ARHGAP8: variants seen among roughly 807,000 people sequenced by gnomAD.
The protein encoded by ARHGAP8 is Rho GTPase activating protein 8, also known as rho GTPase-activating protein 8.
Under a neutral mutation model 46.1 loss-of-function variants are expected in ARHGAP8, and 62 were observed. The observed-to-expected ratio is 1.34, with a 90% CI of 1.10 to 1.66. The LOEUF (loss-of-function observed/expected upper bound fraction) is 1.66. Ranked by LOEUF, ARHGAP8 falls within the 40% of genes most tolerant of loss-of-function variation. ARHGAP8 has a pLI of 0.00. For synonymous variants in ARHGAP8, 375 were observed against 243.1 expected (o/e 1.54, Z -5.05); for missense variants, 923 against 568.4 (o/e 1.62, Z -6.34).
At chr22:44,793,619 AATG>A (rs1216295714) in intron 2 of ARHGAP8, among the ~76,000 whole-genome samples, 1 of 152,136 alleles carries the variant, frequency 6.6e-6, no homozygotes, top group Non-Finnish European at 1.5e-5. Context: ...GCTGGGAGAG[AATG>A]ATGACTCGCC....
At chr22:44,822,335 TA>T in intron 5 of ARHGAP8, 35 bp from the exon 6 acceptor site, 1 of 1,565,010 alleles carries the variant, frequency 6.4e-7, no homozygotes, top group East Asian at 2.4e-5. Context: ...TGCTGGCGCC[TA>T]ATCGTTCTTT....
Position 44,821,019 on chromosome 22 carries a change from C to T in ARHGAP8, c.387-1352C>T, listed in dbSNP as rs78585553. On this transcript the variant is annotated intron_variant, in intron 5 of 11. Transcript: ENST00000356099. Reference sequence around the variant, plus strand: ...CACAAAATAAACGACATTGAAAATACATGAATACTTATTTCAAGACTTTCA... The same window carrying T: ...CACAAAATAAACGACATTGAAAATATATGAATACTTATTTCAAGACTTTCA... Among the ~76,000 whole-genome samples, 1,210 of 152,326 alleles carry T rather than the reference C, an allele frequency of 7.9e-3. 10 individuals carry two copies. The highest frequency in any genetic ancestry group is 0.013 in the Non-Finnish European group (879 of 68,018).
intron 5 of ARHGAP8, among the ~76,000 whole-genome samples, chr22:44,820,767 C>T (rs1930069392): frequency 6.6e-6 from 1 of 152,288 alleles, no homozygotes; most frequent in Admixed American, 6.5e-5. Flanking sequence ...CCTCCCTCAG[C>T]CCCCGGGTCC....
rs111955465 is a variant in ARHGAP8, at chr22:44,812,651, T to G, written c.300-2021T>G. On this transcript the variant is annotated intron_variant, in intron 4 of 11. Coordinates refer to ENST00000356099, the MANE Select transcript of ARHGAP8 (RefSeq NM_181335.3). ...ATTACAGGTGTGAGCCACCGCGCCC[T>G]GCCTCAGAGCCTTTTTAAAATTAGT... Among the ~76,000 whole-genome samples the G allele has an allele frequency of 7.2e-3, 1,094 of 152,078 alleles. 7 individuals carry two copies. The highest frequency in any genetic ancestry group is 0.024 in the African/African-American group (983 of 41,478).
intron 7 of ARHGAP8, among the ~76,000 whole-genome samples, chr22:44,842,762 G>T (rs1399509257): frequency 6.6e-6 from 1 of 151,982 alleles, no homozygotes; most frequent in Non-Finnish European, 1.5e-5. Context: ...CAGGAGGTTG[G>T]CAGGGCCTGG....
chr22:44,846,052 T>A (rs997239010), intron 8 of ARHGAP8, among the ~76,000 whole-genome samples: 3 of 152,066 alleles, frequency 2.0e-5, no homozygotes, highest in Non-Finnish European at 4.4e-5. Context: ...CTGGCTCCTC[T>A]CCAGCCTCCA....
chr22:44,851,381 G>A (rs1446324058), intron 10 of ARHGAP8, among the ~76,000 whole-genome samples: 4 of 150,742 alleles, frequency 2.7e-5, no homozygotes, highest in African/African-American at 9.9e-5. Context: ...ACATGACACA[G>A]GAGCCTTTTA....
chr22:44,817,233 G>T (rs12169108), intron 5 of ARHGAP8, among the ~76,000 whole-genome samples: 1 of 152,254 alleles, frequency 6.6e-6, no homozygotes, highest in South Asian at 2.1e-4. Flanking sequence ...GGACTGAATC[G>T]TGTGGTCCTG....
intron 1 of ARHGAP8, among the ~76,000 whole-genome samples, chr22:44,782,355 G>A (rs1452348287): frequency 6.6e-6 from 1 of 152,050 alleles, no homozygotes; most frequent in African/African-American, 2.4e-5. Flanking sequence ...AAAAATAAAT[G>A]AAAAGAATAA....
intron 11 of ARHGAP8, 79 bp from the exon 12 acceptor site, chr22:44,862,190 GCCTCTC>G: frequency 2.0e-6 from 3 of 1,489,080 alleles, no homozygotes; most frequent in Non-Finnish European, 2.7e-6. Flanking sequence ...CTACACCTAC[GCCTCTC>G]CCTAAGTTCG....
intron 7 of ARHGAP8, among the ~76,000 whole-genome samples, chr22:44,831,910 A>G (rs1397930360): frequency 2.0e-5 from 3 of 151,602 alleles, no homozygotes; most frequent in African/African-American, 7.3e-5. Flanking sequence ...GAGTCCTCCA[A>G]CTTTTTTTTC....
At chr22:44,764,222 C>A (rs949096459) in intron 1 of ARHGAP8, among the ~76,000 whole-genome samples, 1 of 152,130 alleles carries the variant, frequency 6.6e-6, no homozygotes, top group Non-Finnish European at 1.5e-5. Flanking sequence ...ATGATGCAAG[C>A]GTGTTCTGTT....
intron 7 of ARHGAP8, among the ~76,000 whole-genome samples, chr22:44,843,309 G>T (rs1931770765): frequency 6.6e-6 from 1 of 152,146 alleles, no homozygotes; most frequent in South Asian, 2.1e-4. Context: ...TACACTATAA[G>T]AAATGTTAAG....
At position 44,822,359 on chromosome 22, in the gene ARHGAP8, C is replaced by A. The variant is rs1362899085; in HGVS notation, c.387-12C>A. On this transcript the variant is annotated splice_polypyrimidine_tract_variant and intron_variant, in intron 5 of 11. Transcript: ENST00000356099. ...CTAATCGTTCTTTATTCTCTTGCTT[C>A]TGCTTTCTTAGTCACAAGTTTGGGA... 2.5e-6 allele frequency: 4 copies of A among 1,578,138 alleles called. No individual in the cohort carries two copies. In the Admixed American group the frequency reaches 7.7e-5, roughly 30 times the overall value.
At chr22:44,853,915 T>G (rs1294581026) in intron 10 of ARHGAP8, among the ~76,000 whole-genome samples, 1 of 150,908 alleles carries the variant, frequency 6.6e-6, no homozygotes, top group Non-Finnish European at 1.5e-5. Flanking sequence ...TAATCCCAGC[T>G]ACTCGGGAGG....
intron 1 of ARHGAP8, among the ~76,000 whole-genome samples, chr22:44,765,652 CAG>C (rs1190872580): frequency 2.0e-5 from 3 of 152,154 alleles, no homozygotes; most frequent in Non-Finnish European, 4.4e-5. Flanking sequence ...AGTGGCATGA[CAG>C]GGTGGCAGGG....
intron 1 of ARHGAP8, among the ~76,000 whole-genome samples, chr22:44,771,648 G>A (rs375348574): frequency 1.7e-3 from 263 of 150,534 alleles, no homozygotes; most frequent in African/African-American, 6.1e-3. Flanking sequence ...TCTGCCTTCC[G>A]GGTTCAAGCG....
At position 44,830,021 on chromosome 22, in the gene ARHGAP8, T is replaced by C. The variant is rs1362878968; in HGVS notation, c.596+4428T>C. On this transcript the variant is annotated intron_variant, in intron 7 of 11. Coordinates refer to ENST00000356099, the MANE Select transcript of ARHGAP8 (RefSeq NM_181335.3). ...CTGGCATTTTCTTTTTTTTCCTCTCTCTCTTTTTTTTTTTTTCCCTGAGAT... is the reference window on the plus strand; with the variant it reads ...CTGGCATTTTCTTTTTTTTCCTCTCCCTCTTTTTTTTTTTTTCCCTGAGAT... Among the ~76,000 whole-genome samples the C allele has an allele frequency of 6.0e-5, 7 of 116,592 alleles. No homozygotes were observed. The East Asian group carries it at 2.0e-3, about 34-fold the overall frequency. 76.5% of individuals were successfully genotyped at this position (116,592 alleles called of 152,430 possible).
chr22:44,778,979 C>G (rs1926623011), intron 1 of ARHGAP8, among the ~76,000 whole-genome samples: 1 of 151,848 alleles, frequency 6.6e-6, no homozygotes, highest in Non-Finnish European at 1.5e-5. Context: ...CAGCAGCTAC[C>G]ATCAGTTCAA....
Sources: gnomAD v4.1 joint callset for allele counts (sites outside exome capture counted in the v4.1 genomes callset) on GRCh38, gnomAD v4.1.1 for gene constraint, MANE v1.5 for transcripts, NCBI Gene and HGNC (gene_info 2026-07-23, HGNC 2026-07-21) for gene names.